Variants in CRLF3 observed in about 807,000 individuals in gnomAD.
CRLF3 encodes cytokine receptor like factor 3.
CRLF3 carries 33 observed loss-of-function variants against 55.0 expected under a neutral mutation model. The ratio of observed to expected loss-of-function variants is 0.60; its 90% CI spans 0.46 to 0.80. CRLF3 has a LOEUF of 0.80. Among genes scored for constraint, CRLF3 ranks in the 30% least tolerant of loss-of-function variants. CRLF3 has a pLI of 0.00. For missense variants in CRLF3, 494 were observed against 538.4 expected (o/e 0.92, Z 0.82); for synonymous variants, 238 against 196.8 (o/e 1.21, Z -1.75).
chr17:30,804,382 G>A (rs1459550283), intron 1 of CRLF3, among the ~76,000 whole-genome samples: 1 of 152,100 alleles, frequency 6.6e-6, no homozygotes, highest in Non-Finnish European at 1.5e-5. Flanking sequence ...CACATTCCAA[G>A]TATACATTAC....
intron 1 of CRLF3, among the ~76,000 whole-genome samples, chr17:30,815,384 C>A (rs1316539608): frequency 6.6e-6 from 1 of 150,746 alleles, no homozygotes; most frequent in Non-Finnish European, 1.5e-5. Flanking sequence ...TTGCGCCTGG[C>A]CAACTTTTTG....
chr17:30,796,510 T>C (rs1238659674), intron 3 of CRLF3, among the ~76,000 whole-genome samples, 173 bp from the exon 4 acceptor site: 2 of 152,094 alleles, frequency 1.3e-5, no homozygotes, highest in South Asian at 2.1e-4. Context: ...CAAATAAATA[T>C]AAGTAAGACA....
At chr17:30,811,911 C>T (rs1317618933) in intron 1 of CRLF3, among the ~76,000 whole-genome samples, 1 of 149,644 alleles carries the variant, frequency 6.7e-6, no homozygotes, top group East Asian at 2.0e-4. Context: ...GAGATCGAGA[C>T]CATCCTGGCT....
chr17:30,795,588 A>C (rs1284994596), intron 4 of CRLF3, among the ~76,000 whole-genome samples: 1 of 151,742 alleles, frequency 6.6e-6, no homozygotes, highest in African/African-American at 2.4e-5. Context: ...AGATCACCTG[A>C]GGTCGGAGGT....
At position 30,783,998 on chromosome 17, in the gene CRLF3, G is replaced by GAAATAAATTAATT; in HGVS notation, c.*188_*189insAATTAATTTATTT. The GAAATAAATTAATT allele has an allele frequency of 1.8e-6, 1 of 545,602 alleles. No homozygotes were observed. The highest frequency in any genetic ancestry group is 3.2e-6 in the Non-Finnish European group (1 of 309,958). 33.8% of individuals were successfully genotyped at this position (545,602 alleles called of 1,614,324 possible). A position where few individuals can be genotyped will look rare whatever the true frequency, so the allele number is the denominator to read the frequency against. Reference sequence around the variant, plus strand: ...CAGTATGCTAAAAATAAAATTGACTGAATTGTATGATTTTGTCCACAACAT... The same window carrying GAAATAAATTAATT: ...CAGTATGCTAAAAATAAAATTGACTGAAATAAATTAATTAATTGTATGATTTTGTCCACAACAT... On this transcript the variant is annotated 3_prime_UTR_variant, in exon 8 of 8. Coordinates refer to ENST00000324238, the MANE Select transcript of CRLF3 (RefSeq NM_015986.4).
intron 6 of CRLF3, among the ~76,000 whole-genome samples, chr17:30,788,933 C>T (rs1489801186): frequency 6.6e-6 from 1 of 151,984 alleles, no homozygotes; most frequent in African/African-American, 2.4e-5. Flanking sequence ...AGTATAGTCT[C>T]CCTTCTAACT....
intron 1 of CRLF3, among the ~76,000 whole-genome samples, chr17:30,822,062 CAAAAA>C (rs576859607): frequency 1.8e-5 from 1 of 56,076 alleles, no homozygotes. Flanking sequence ...GCACCCCCGC[CAAAAA>C]AAAAAAAAAA....
At chr17:30,792,619 A>ATATC (rs778657569) in intron 5 of CRLF3, 47 bp from the exon 6 acceptor site, 2 of 1,546,768 alleles carry the variant, frequency 1.3e-6, no homozygotes, top group African/African-American at 1.4e-5. Context: ...CTCTTGAGGG[A>ATATC]TATCTTCAAT....
At chr17:30,817,676 G>A in intron 1 of CRLF3, among the ~76,000 whole-genome samples, 1 of 151,408 alleles carries the variant, frequency 6.6e-6, no homozygotes, top group East Asian at 2.0e-4. Flanking sequence ...GGGAGGCCGA[G>A]GAAGGTGGAT....
chr17:30,792,076 G>A (rs371302942), intron 6 of CRLF3, among the ~76,000 whole-genome samples: 9 of 152,110 alleles, frequency 5.9e-5, no homozygotes, highest in Admixed American at 2.0e-4. Context: ...TCGAACTCCC[G>A]ACCTCAGGTG....
chr17:30,783,024 TAA>T lies in CRLF3; in HGVS notation c.*1161_*1162del, dbSNP rs568646811. 6.6e-6 allele frequency: 1 copy of T among 152,026 alleles called. No homozygotes were observed. The highest frequency in any genetic ancestry group is 2.4e-5 in the African/African-American group (1 of 41,394). The allele number at this position is 152,026 out of a possible 1,614,324, so 9.4% of individuals were successfully genotyped here. ...TTACACACAAATTTAAGTAAGTTTT[TAA>T]AAAAAATAAGTATTTACGCTATATT... is the stretch of plus-strand genomic sequence containing the variant. On this transcript the variant is annotated 3_prime_UTR_variant, in exon 8 of 8. Coordinates refer to ENST00000324238, the MANE Select transcript of CRLF3 (RefSeq NM_015986.4).
intron 1 of CRLF3, among the ~76,000 whole-genome samples, chr17:30,823,281 G>C (rs941307804): frequency 6.6e-6 from 1 of 151,850 alleles, no homozygotes; most frequent in Non-Finnish European, 1.5e-5. Flanking sequence ...AGAATCGCTT[G>C]AACCCGGGAG....
chr17:30,824,585 C>A lies in CRLF3; in HGVS notation c.67G>T (p.Ala23Ser). ...CCCAGCTCCCGCCGGTAGCTCTGCG[C>A]TGCCTCCACGTTCTCGCGGGCCTCC... ...LQEARENVEA[A>S]QSYRRELGHR... The change falls in exon 1 of 8, where the codon GCG becomes TCG. Residue 23 changes from alanine to serine, a missense_variant. Physicochemically the swap from Ala to Ser is moderately conservative, Grantham distance 99. Transcript: ENST00000324238. 1.9e-6 allele frequency: 3 copies of A among 1,605,168 alleles called. No individual in the cohort carries two copies. The highest frequency in any genetic ancestry group is 1.7e-6 in the Non-Finnish European group (2 of 1,179,102).
chr17:30,795,081 G>A (rs908207417), intron 4 of CRLF3, among the ~76,000 whole-genome samples: 3 of 151,864 alleles, frequency 2.0e-5, no homozygotes, highest in Non-Finnish European at 4.4e-5. Context: ...GCAAAAAACT[G>A]GAAATAACTA....
intron 6 of CRLF3, among the ~76,000 whole-genome samples, chr17:30,788,057 A>G (rs1195079147): frequency 1.3e-5 from 2 of 151,904 alleles, no homozygotes; most frequent in African/African-American, 2.4e-5. Context: ...GGCCGGGTGC[A>G]GTGGCTCACG....
At position 30,796,390 on chromosome 17, in the gene CRLF3, T is replaced by C; in HGVS notation, c.426-53A>G. 2.1e-6 allele frequency: 3 copies of C among 1,400,736 alleles called. No individual in the cohort carries two copies. In the East Asian group the frequency reaches 7.3e-5, roughly 34 times the overall value. The allele number at this position is 1,400,736 out of a possible 1,614,324, so 86.8% of individuals were successfully genotyped here. On this transcript the variant is annotated intron_variant, in intron 3 of 7. Transcript: ENST00000324238. Reference sequence around the variant, plus strand: ...AGACCTCTAACTGAGAGTTAAAAAATACAAGAAATATTTTAGAGCAGTCAC... The same window carrying C: ...AGACCTCTAACTGAGAGTTAAAAAACACAAGAAATATTTTAGAGCAGTCAC...
chr17:30,807,005 T>C (rs1904425680), intron 1 of CRLF3, among the ~76,000 whole-genome samples: 1 of 152,078 alleles, frequency 6.6e-6, no homozygotes, highest in African/African-American at 2.4e-5. Context: ...CCCAGCACTT[T>C]GGGAGGCCAA....
At chr17:30,800,607 TA>T (rs529272605) in intron 2 of CRLF3, among the ~76,000 whole-genome samples, 8,899 of 141,752 alleles carry the variant, frequency 0.063, 716 homozygotes, top group African/African-American at 0.19. Flanking sequence ...TTCTACTTCT[TA>T]AAAAAAAAAA....
At chr17:30,811,055 C>T (rs1904600880) in intron 1 of CRLF3, among the ~76,000 whole-genome samples, 1 of 152,152 alleles carries the variant, frequency 6.6e-6, no homozygotes, top group Admixed American at 6.6e-5. Context: ...CACCACTGCC[C>T]TCCAGCCTGG....
Sources: gnomAD v4.1 joint callset for allele counts (sites outside exome capture counted in the v4.1 genomes callset) on GRCh38, gnomAD v4.1.1 for gene constraint, MANE v1.5 for transcripts, NCBI Gene and HGNC (gene_info 2026-07-23, HGNC 2026-07-21) for gene names.